Variants in SULT6B1 observed in about 807,000 individuals in gnomAD.
The protein encoded by SULT6B1 is sulfotransferase 6B1.
In SULT6B1, 44 loss-of-function variants were observed where a neutral mutation model predicts 37.2. The observed-to-expected ratio is 1.18, with a 90% CI of 0.93 to 1.52. SULT6B1 has a LOEUF of 1.52. Ranked by LOEUF, SULT6B1 falls within the 40% of genes most tolerant of loss-of-function variation. SULT6B1 has a pLI of 0.00. For synonymous variants in SULT6B1, 140 were observed against 126.0 expected (o/e 1.11, Z -0.74); for missense variants, 450 against 361.0 (o/e 1.25, Z -2.00).
chr2:37,176,730 C>A (rs1039438160), intron 4 of SULT6B1, among the ~76,000 whole-genome samples: 1 of 152,002 alleles, frequency 6.6e-6, no homozygotes, highest in Non-Finnish European at 1.5e-5. Context: ...CTAACCAAAC[C>A]CTGATTATTT....
chr2:37,195,325 T>A (rs1676889304), intron 1 of SULT6B1, among the ~76,000 whole-genome samples: 1 of 152,226 alleles, frequency 6.6e-6, no homozygotes, highest in Non-Finnish European at 1.5e-5. Flanking sequence ...ACCAATGTAG[T>A]GGAGCCTTGC....
upstream of SULT6B1, among the ~76,000 whole-genome samples, chr2:37,193,649 A>AAGG: frequency 8.7e-6 from 1 of 115,118 alleles, no homozygotes; most frequent in Admixed American, 8.3e-5. Flanking sequence ...GAAGAAGAAG[A>AAGG]AGGAGAAGAA....
At chr2:37,175,864 G>C (rs776070717) in intron 4 of SULT6B1, among the ~76,000 whole-genome samples, 1 of 152,126 alleles carries the variant, frequency 6.6e-6, no homozygotes, top group Non-Finnish European at 1.5e-5. Context: ...TGTATATTTA[G>C]ATTTAATAAA....
At chr2:37,192,626 G>T (rs1676803184), upstream of SULT6B1, among the ~76,000 whole-genome samples, 1 of 152,194 alleles carries the variant, frequency 6.6e-6, no homozygotes, top group Admixed American at 6.5e-5. Flanking sequence ...TGAACTCCTT[G>T]CCAATCTGCT....
intron 4 of SULT6B1, among the ~76,000 whole-genome samples, chr2:37,175,963 A>T (rs1392177093): frequency 2.0e-5 from 3 of 152,220 alleles, no homozygotes; most frequent in Non-Finnish European, 4.4e-5. Flanking sequence ...TCCCTTAAAA[A>T]TTTTGAATTA....
intron 3 of SULT6B1, among the ~76,000 whole-genome samples, chr2:37,182,613 G>A (rs925708959): frequency 2.6e-5 from 4 of 152,122 alleles, no homozygotes; most frequent in Admixed American, 6.6e-5. Flanking sequence ...ACAAGTGTGA[G>A]TCACCGCACC....
At chr2:37,178,885 C>G (rs1676486786) in intron 4 of SULT6B1, among the ~76,000 whole-genome samples, 1 of 152,216 alleles carries the variant, frequency 6.6e-6, no homozygotes, top group Non-Finnish European at 1.5e-5. Context: ...TTAAAGCTCT[C>G]TTTGTCCCAT....
chr2:37,178,512 A>G (rs6710046), intron 4 of SULT6B1, among the ~76,000 whole-genome samples: 109,577 of 152,028 alleles, frequency 0.72, 39,786 homozygotes, highest in East Asian at 0.96. Flanking sequence ...CTGGAACTAC[A>G]GGCATGAGCT....
intron 5 of SULT6B1, among the ~76,000 whole-genome samples, 181 bp from the exon 6 acceptor site, chr2:37,171,771 C>T (rs1205074985): frequency 6.6e-6 from 1 of 152,060 alleles, no homozygotes; most frequent in Non-Finnish European, 1.5e-5. Context: ...GTAAGATATT[C>T]TGTATTGATT....
chr2:37,188,454 A>T lies in SULT6B1; in HGVS notation c.187T>A (p.Tyr63Asn). ...ACTTGTCATTTACCGCACTTTGGATAAGATGCTAGCACGATGTCATCATGT... is the reference window on the plus strand; with the variant it reads ...ACTTGTCATTTACCGCACTTTGGATTAGATGCTAGCACGATGTCATCATGT... ...ARHDDIVLAS[Y>N]PKCGSNWILH... The change falls in exon 1 of 7, where the codon TAT becomes AAT. Residue 63 changes from tyrosine to asparagine, a missense_variant. Coordinates refer to ENST00000535679, the MANE Select transcript of SULT6B1 (RefSeq NM_001367551.1). 1 of 1,612,996 alleles carries T rather than the reference A, an allele frequency of 6.2e-7. No homozygotes were observed. Among genetic ancestry groups the T allele is most frequent in the Non-Finnish European group, 8.5e-7 (1 of 1,179,590 alleles).
At position 37,171,514 on chromosome 2, in the gene SULT6B1, G is replaced by C. The variant is rs776306416; in HGVS notation, c.701C>G (p.Ser234Ter). 1.9e-6 allele frequency: 3 copies of C among 1,614,158 alleles called. No individual in the cohort carries two copies. The South Asian group carries it at 3.3e-5, about 18-fold the overall frequency. ...CATGGCTTGGAAGGTGCTCTGGACT[G>C]AGATAGTTTGAATTTGCTCCCCAGT... ...FLTGEQIQTI[S>*]VQSTFQAMRA... The change falls in exon 6 of 7, where the codon TCA (serine) becomes TGA (stop). Residue 234 changes from serine to a stop codon, truncating the protein, a stop_gained. Coordinates refer to ENST00000535679, the MANE Select transcript of SULT6B1 (RefSeq NM_001367551.1). LOFTEE classifies it high-confidence loss of function.
intron 1 of SULT6B1, 143 bp from the exon 2 acceptor site, chr2:37,187,610 C>T (rs1272209311): frequency 2.1e-6 from 1 of 482,668 alleles, no homozygotes. Context: ...TTTGAAATAA[C>T]TTGGGCTATG....
rs141179904 is a variant in SULT6B1 at position 37,187,741 on chromosome 2, T to C, written c.200-274A>G. Among the ~76,000 whole-genome samples the C allele has an allele frequency of 3.0e-4, 45 of 152,332 alleles. No individual in the cohort carries two copies. In the East Asian group the frequency reaches 6.2e-3, roughly 21 times the overall value. On this transcript the variant is annotated intron_variant, in intron 1 of 6. Transcript: ENST00000535679. ...TTTTGAATCTAGAATATGTTTCTTA[T>C]AGGACAATGTTATGTTATAGAAATA... is the stretch of plus-strand genomic sequence containing the variant.
At chr2:37,170,536 C>A (rs1396207434) in intron 6 of SULT6B1, among the ~76,000 whole-genome samples, 6 of 151,862 alleles carry the variant, frequency 4.0e-5, no homozygotes, top group Non-Finnish European at 8.8e-5. Flanking sequence ...GTGGCTCACG[C>A]CTGTAATCCA....
At chr2:37,194,704 T>C (rs913553101) in intron 1 of SULT6B1, 5 of 207,384 alleles carry the variant, frequency 2.4e-5, no homozygotes, top group African/African-American at 7.0e-5. Flanking sequence ...GAATGGTCCA[T>C]TTTCTTCTTG....
chr2:37,171,152 A>G (rs1044074010), intron 6 of SULT6B1, among the ~76,000 whole-genome samples: 8 of 152,114 alleles, frequency 5.3e-5, no homozygotes, highest in African/African-American at 1.9e-4. Flanking sequence ...AGGCAGGAGA[A>G]TCGCTTGAAC....
intron 3 of SULT6B1, 146 bp downstream of exon 3, chr2:37,183,279 C>T: frequency 1.6e-6 from 1 of 628,004 alleles, no homozygotes; most frequent in Middle Eastern, 3.7e-4. Context: ...AAATATATGT[C>T]AAGAAAGAAA....
chr2:37,170,555 G>A (rs1008600461), intron 6 of SULT6B1, among the ~76,000 whole-genome samples: 12 of 151,916 alleles, frequency 7.9e-5, no homozygotes, highest in Non-Finnish European at 1.0e-4. Context: ...CAGCACTTTG[G>A]GAGAGGAGTT....
At chr2:37,187,004 C>A (rs1676688209) in intron 2 of SULT6B1, among the ~76,000 whole-genome samples, 1 of 152,188 alleles carries the variant, frequency 6.6e-6, no homozygotes, top group South Asian at 2.1e-4. Context: ...TGAGGTTTCT[C>A]AGCTTACTTT....
Sources: allele counts gnomAD v4.1 joint callset (sites outside exome capture counted in the v4.1 genomes callset), GRCh38; gene constraint gnomAD v4.1.1; transcripts MANE v1.5; gene names NCBI Gene and HGNC (gene_info 2026-07-23, HGNC 2026-07-21).